GRK3: variants seen among roughly 807,000 people sequenced by gnomAD.
The protein encoded by GRK3 is adrenergic, beta, receptor kinase 2.
GRK3 carries 54 observed loss-of-function variants against 95.7 expected under a neutral mutation model. The ratio of observed to expected loss-of-function variants is 0.56; its 90% CI spans 0.45 to 0.71. GRK3 has a LOEUF of 0.71. Among genes scored for constraint, GRK3 ranks in the 30% least tolerant of loss-of-function variants. GRK3 has a pLI of 0.00. For missense variants in GRK3, 649 were observed against 851.2 expected (o/e 0.76, Z 2.96); for synonymous variants, 281 against 290.8 (o/e 0.97, Z 0.34).
At chr22:25,710,045 GTC>G in intron 16 of GRK3, 81 bp downstream of exon 16, 1 of 1,074,996 alleles carries the variant, frequency 9.3e-7, no homozygotes. Flanking sequence ...TTCTGTCTCT[GTC>G]TCTCTATGCA....
intron 6 of GRK3, among the ~76,000 whole-genome samples, chr22:25,671,998 T>C (rs1205292624): frequency 2.0e-5 from 3 of 152,240 alleles, no homozygotes; most frequent in Non-Finnish European, 4.4e-5. Flanking sequence ...ATAAAGTATA[T>C]TATTAAAATT....
intron 10 of GRK3, among the ~76,000 whole-genome samples, chr22:25,687,045 C>G (rs1244088941): frequency 2.6e-5 from 4 of 151,974 alleles, no homozygotes; most frequent in Non-Finnish European, 4.4e-5. Context: ...GTCTCGAACT[C>G]CTGACCTCAA....
chr22:25,629,669 G>A (rs551918493), intron 2 of GRK3, among the ~76,000 whole-genome samples: 40 of 152,340 alleles, frequency 2.6e-4, no homozygotes, highest in African/African-American at 9.1e-4. Flanking sequence ...TAGAGGTACA[G>A]GACAGAGCGT....
intron 1 of GRK3, among the ~76,000 whole-genome samples, chr22:25,568,018 CTGTT>C (rs756450462): frequency 6.6e-6 from 1 of 152,170 alleles, no homozygotes; most frequent in East Asian, 1.9e-4. Flanking sequence ...GAAAAGCTGA[CTGTT>C]TGTCCAAATG....
intron 2 of GRK3, 150 bp from the exon 3 acceptor site, chr22:25,644,442 T>C (rs1240833114): frequency 2.2e-6 from 1 of 462,040 alleles, no homozygotes; most frequent in African/African-American, 2.0e-5. Flanking sequence ...TAGGAATTAA[T>C]TAATTCACTA....
intron 15 of GRK3, among the ~76,000 whole-genome samples, chr22:25,704,533 C>T (rs1173245106): frequency 6.6e-6 from 1 of 152,212 alleles, no homozygotes; most frequent in Non-Finnish European, 1.5e-5. Context: ...GCCTCAGCCT[C>T]CTGAGTAGCT....
At chr22:25,693,280 C>T (rs907107754) in intron 12 of GRK3, among the ~76,000 whole-genome samples, 1 of 152,224 alleles carries the variant, frequency 6.6e-6, no homozygotes, top group East Asian at 1.9e-4. Flanking sequence ...TAGGCAGAAT[C>T]AGAAAACCTC....
intron 2 of GRK3, among the ~76,000 whole-genome samples, chr22:25,623,004 C>T (rs1280034351): frequency 1.3e-5 from 2 of 152,154 alleles, no homozygotes; most frequent in African/African-American, 4.8e-5. Context: ...GGCGGTGGCG[C>T]GATCTTGGCT....
intron 6 of GRK3, among the ~76,000 whole-genome samples, chr22:25,668,168 A>G (rs955355753): frequency 3.3e-5 from 5 of 152,244 alleles, no homozygotes; most frequent in African/African-American, 1.2e-4. Context: ...AAGCAGGACA[A>G]GCCTGTACTT....
At chr22:25,685,684 C>A (rs950005459) in intron 10 of GRK3, among the ~76,000 whole-genome samples, 1 of 152,158 alleles carries the variant, frequency 6.6e-6, no homozygotes, top group Admixed American at 6.5e-5. Context: ...ATCTTCTGCA[C>A]CTTCTAAATC....
intron 8 of GRK3, among the ~76,000 whole-genome samples, chr22:25,677,974 C>G (rs984078259): frequency 1.3e-5 from 2 of 152,124 alleles, no homozygotes; most frequent in African/African-American, 4.8e-5. Flanking sequence ...TGACTTGCCT[C>G]AATGATAGTA....
chr22:25,622,615 C>G (rs2084595150), intron 2 of GRK3, among the ~76,000 whole-genome samples: 1 of 152,128 alleles, frequency 6.6e-6, no homozygotes, highest in Non-Finnish European at 1.5e-5. Flanking sequence ...ATGGGAAGCT[C>G]TGGTGGGTCT....
At chr22:25,612,524 G>A (rs2084506274) in intron 2 of GRK3, among the ~76,000 whole-genome samples, 1 of 152,058 alleles carries the variant, frequency 6.6e-6, no homozygotes, top group Non-Finnish European at 1.5e-5. Flanking sequence ...GTGTGTTTGT[G>A]TGTGTGTGTG....
intron 3 of GRK3, chr22:25,648,338 T>C: frequency 7.9e-7 from 1 of 1,264,384 alleles, no homozygotes; most frequent in Non-Finnish European, 1.2e-6. Context: ...AACATGCTGA[T>C]GGTTTATGCC....
In GRK3 at chr22:25,709,838, A is replaced by G. The variant is rs1198108295; in HGVS notation, c.1329-60A>G. On this transcript the variant is annotated intron_variant, in intron 15 of 20. Coordinates refer to ENST00000324198, the MANE Select transcript of GRK3 (RefSeq NM_005160.4). ...TATTGTTAACAGGAGACAGTTTTGC[A>G]CAATATTTATTACGTTTCCAAATGC... 3 of 1,307,732 alleles carry G rather than the reference A, an allele frequency of 2.3e-6. No homozygotes were observed. In the Admixed American group the frequency reaches 5.1e-5, roughly 22 times the overall value. The allele number at this position is 1,307,732 out of a possible 1,614,324, so 81.0% of individuals were successfully genotyped here.
chr22:25,610,086 T>G (rs966868231), intron 2 of GRK3, among the ~76,000 whole-genome samples: 1 of 151,942 alleles, frequency 6.6e-6, no homozygotes, highest in African/African-American at 2.4e-5. Context: ...CTCTTGACCT[T>G]GTGATCCACC....
chr22:25,605,469 A>T (rs1014450277), intron 2 of GRK3, among the ~76,000 whole-genome samples: 2 of 152,264 alleles, frequency 1.3e-5, no homozygotes, highest in African/African-American at 4.8e-5. Context: ...AATAAAACTC[A>T]TGATAACAAG....
chr22:25,620,028 G>A (rs1300443369), intron 2 of GRK3, among the ~76,000 whole-genome samples: 1 of 148,914 alleles, frequency 6.7e-6, no homozygotes, highest in African/African-American at 2.5e-5. Flanking sequence ...GTGTGTGTGT[G>A]TGTGTGTGTG....
intron 13 of GRK3, among the ~76,000 whole-genome samples, chr22:25,702,568 A>C (rs561385634): frequency 3.9e-5 from 6 of 152,174 alleles, no homozygotes; most frequent in Non-Finnish European, 8.8e-5. Flanking sequence ...TTTAGTTTGC[A>C]TATTTAATAG....
Sources: gnomAD v4.1 joint callset for allele counts (sites outside exome capture counted in the v4.1 genomes callset) on GRCh38, gnomAD v4.1.1 for gene constraint, MANE v1.5 for transcripts, NCBI Gene and HGNC (gene_info 2026-07-23, HGNC 2026-07-21) for gene names.